Variants in CCNJL observed in about 807,000 individuals in gnomAD.
CCNJL encodes the protein cyclin-J-like protein.
A neutral mutation model predicts 33.4 loss-of-function variants in CCNJL; 33 were observed. That is an observed-to-expected ratio of 0.99 (90% CI 0.75 to 1.32). CCNJL has a LOEUF of 1.32. Ranked by LOEUF, CCNJL falls within the 40% of genes most tolerant of loss-of-function variation. The pLI is 0.00. For synonymous variants in CCNJL, 227 were observed against 220.9 expected, an observed-to-expected ratio of 1.03 and a Z score of -0.24; for missense variants, 512 against 499.7, an observed-to-expected ratio of 1.02 and a Z score of -0.23.
At chr5:160,311,639 G>A (rs1763262234) in intron 2 of CCNJL, among the ~76,000 whole-genome samples, 1 of 152,124 alleles carries the variant, frequency 6.6e-6, no homozygotes, top group African/African-American at 2.4e-5. Context: ...AGAGTTCTGA[G>A]CTCCTTATCA....
At chr5:160,289,492 T>G (rs1762515142) in intron 2 of CCNJL, among the ~76,000 whole-genome samples, 1 of 151,964 alleles carries the variant, frequency 6.6e-6, no homozygotes, top group Admixed American at 6.6e-5. Flanking sequence ...GCTCCCCAAG[T>G]GGGAAACCCC....
At chr5:160,271,691 G>A (rs539856687) in intron 3 of CCNJL, among the ~76,000 whole-genome samples, 2 of 152,374 alleles carry the variant, frequency 1.3e-5, no homozygotes, top group South Asian at 4.1e-4. Flanking sequence ...TGGCCACCAC[G>A]CAAACGTCAC....
chr5:160,333,100 C>T (rs556217844), intron 1 of CCNJL, among the ~76,000 whole-genome samples: 39 of 151,972 alleles, frequency 2.6e-4, no homozygotes, highest in Admixed American at 2.5e-3. Context: ...GCCTGGCCAA[C>T]ATATGACTAC....
At chr5:160,269,177 G>A (rs1761727230) in intron 3 of CCNJL, among the ~76,000 whole-genome samples, 1 of 152,202 alleles carries the variant, frequency 6.6e-6, no homozygotes, top group African/African-American at 2.4e-5. Flanking sequence ...CTTCTTGCTG[G>A]GAGGACTTCC....
chr5:160,316,898 C>T (rs960188047), upstream of CCNJL, among the ~76,000 whole-genome samples: 16 of 152,160 alleles, frequency 1.1e-4, no homozygotes, highest in Admixed American at 4.6e-4. Flanking sequence ...TATTTGCTTC[C>T]ATGTAACCAT....
At chr5:160,286,815 G>C (rs893434023) in intron 2 of CCNJL, among the ~76,000 whole-genome samples, 1 of 152,000 alleles carries the variant, frequency 6.6e-6, no homozygotes, top group Admixed American at 6.6e-5. Context: ...GTTTCTGTTT[G>C]TCCCTCAAAT....
At chr5:160,316,362 G>A (rs1763380461), upstream of CCNJL, among the ~76,000 whole-genome samples, 1 of 151,956 alleles carries the variant, frequency 6.6e-6, no homozygotes, top group African/African-American at 2.4e-5. Flanking sequence ...TCACAGGTTG[G>A]GAACAACAGA....
At chr5:160,279,915 G>A (rs1383770334) in intron 3 of CCNJL, among the ~76,000 whole-genome samples, 2 of 152,238 alleles carry the variant, frequency 1.3e-5, no homozygotes, top group Admixed American at 6.5e-5. Context: ...AATTAACACA[G>A]TAATCTCTAC....
chr5:160,336,730 C>A (rs1763687429), intron 1 of CCNJL, among the ~76,000 whole-genome samples: 1 of 152,194 alleles, frequency 6.6e-6, no homozygotes, highest in Non-Finnish European at 1.5e-5. Context: ...TCCCACTCCT[C>A]CCAGGAGCAG....
At chr5:160,264,304 G>A (rs1761480297) in intron 3 of CCNJL, among the ~76,000 whole-genome samples, 1 of 152,240 alleles carries the variant, frequency 6.6e-6, no homozygotes, top group East Asian at 1.9e-4. Flanking sequence ...CTAGGCAGAC[G>A]CACGTGTACC....
Position 160,251,219 on chromosome 5 carries a change from C to G in CCNJL, c.*2159G>C, listed in dbSNP as rs950224323. 3.3e-5 allele frequency: 5 copies of G among 152,208 alleles called. No individual in the cohort carries two copies. The highest frequency in any genetic ancestry group is 1.2e-4 in the African/African-American group (5 of 41,450). 9.4% of individuals were successfully genotyped at this position (152,208 alleles called of 1,614,324 possible). Reference sequence around the variant, plus strand: ...TTCCTGGAGAATAAATTTTGCCTCACGACTGCTAACACAGAAATCATGCCT... The same window carrying G: ...TTCCTGGAGAATAAATTTTGCCTCAGGACTGCTAACACAGAAATCATGCCT... On this transcript the variant is annotated 3_prime_UTR_variant, in exon 6 of 6. Coordinates refer to ENST00000257536, the MANE Select transcript of CCNJL (RefSeq NM_001308173.3).
At position 160,259,477 on chromosome 5, in the gene CCNJL, G is replaced by A. The variant is rs2113235780; in HGVS notation, c.575C>T (p.Thr192Ile). Residue 192 changes from threonine (T) to isoleucine (I), a missense_variant, in exon 4 of 6, where the codon ACC (threonine) becomes ATC (isoleucine). Coordinates refer to ENST00000257536, the MANE Select transcript of CCNJL (RefSeq NM_001308173.3). ...KEYAHYFLEV[T>I]LQDHIFYKFQ... is the part of the protein sequence containing the mutation. Reference sequence around the variant, plus strand: ...CGGGTCCCAGCTGTCACCTTGCAGGGTGACCTCTAGGAAGTAATGGGCATA... The same window carrying A: ...CGGGTCCCAGCTGTCACCTTGCAGGATGACCTCTAGGAAGTAATGGGCATA... 6.2e-7 allele frequency: 1 copy of A among 1,610,664 alleles called. No homozygotes were observed. The highest frequency in any genetic ancestry group is 2.2e-5 in the East Asian group (1 of 44,850).
Position 160,259,737 on chromosome 5 carries a change from C to T in CCNJL, c.315G>A (p.Lys105=). 1 of 1,612,848 alleles carries T rather than the reference C, an allele frequency of 6.2e-7. No homozygotes were observed. Among genetic ancestry groups the T allele is most frequent in the Non-Finnish European group, 8.5e-7 (1 of 1,179,048 alleles). The change falls in exon 4 of 6, where the codon AAG becomes AAA. Residue 105 remains lysine, a synonymous_variant. Coordinates refer to ENST00000257536, the MANE Select transcript of CCNJL (RefSeq NM_001308173.3). ...KFEDREDHVP[K]LEQINSTRIL... ...TCCTCGTGCTGTTTATTTGCTCCAA[C>T]TTGGGGACGTGGTCTTCCCGATCCT... is the stretch of plus-strand genomic sequence containing the variant.
intron 2 of CCNJL, among the ~76,000 whole-genome samples, chr5:160,293,117 C>T (rs1248928563): frequency 2.0e-5 from 3 of 152,164 alleles, no homozygotes; most frequent in Non-Finnish European, 4.4e-5. Flanking sequence ...TTTGTATTTT[C>T]CTTTCAAAAT....
rs1182752305 is a variant in CCNJL, at chr5:160,320,785, T to TTTCC, written n.207-5284_207-5281dup. Among the ~76,000 whole-genome samples, 3 of 144,890 alleles carry TTTCC rather than the reference T, an allele frequency of 2.1e-5. No homozygotes were observed. In the South Asian group the frequency reaches 6.3e-4, roughly 31 times the overall value. On this transcript the variant is annotated intron_variant and non_coding_transcript_variant, in intron 1 of 7. Transcript: ENST00000377503. ...TTCTTTTCTTTCTTTCTTTTCTTTC[T>TTTCC]TTCCTTTCTTTCTTTCTTTCTTTCT...
intron 2 of CCNJL, 60 bp from the exon 3 acceptor site, chr5:160,280,798 G>A (rs925110614): frequency 9.2e-6 from 11 of 1,191,406 alleles, no homozygotes; most frequent in Middle Eastern, 3.8e-4. Context: ...AGTCTCGGCT[G>A]TCCCAGGAAA....
chr5:160,326,606 T>A, intron 1 of CCNJL: 1 of 523,078 alleles, frequency 1.9e-6, no homozygotes, highest in Non-Finnish European at 3.7e-6. Flanking sequence ...ATCATAGTCC[T>A]CAGTAACTAT....
chr5:160,333,813 T>A (rs1240468423), intron 1 of CCNJL, among the ~76,000 whole-genome samples: 2 of 152,110 alleles, frequency 1.3e-5, no homozygotes, highest in African/African-American at 4.8e-5. Flanking sequence ...TAGTCCATCT[T>A]GCCCCTGTAT....
In CCNJL at chr5:160,259,770, A is replaced by G; in HGVS notation, c.282T>C (p.Ser94=). Residue 94 remains serine, a splice_region_variant and synonymous_variant, in exon 4 of 6, where the codon AGT becomes AGC. Coordinates refer to ENST00000257536, the MANE Select transcript of CCNJL (RefSeq NM_001308173.3). ...CGTGGTCTTCCCGATCCTCGAACTT[A>G]CCTGTCGGGGAGCAGGGGAAGCAGG... ...TVAVSCLLLA[S]KFEDREDHVP... 6.2e-7 allele frequency: 1 copy of G among 1,602,272 alleles called. No homozygotes were observed. Among genetic ancestry groups the G allele is most frequent in the Non-Finnish European group, 8.5e-7 (1 of 1,172,960 alleles).
Sources: allele counts gnomAD v4.1 joint callset (sites outside exome capture counted in the v4.1 genomes callset), GRCh38; gene constraint gnomAD v4.1.1; transcripts MANE v1.5; gene names NCBI Gene and HGNC (gene_info 2026-07-23, HGNC 2026-07-21).